The following MRPS27 variants were observed in gnomAD, a reference collection of about 807,000 sequenced individuals.
MRPS27 encodes small ribosomal subunit protein mS27.
In MRPS27, 43 loss-of-function variants were observed where a neutral mutation model predicts 48.9. The observed-to-expected ratio is 0.88, with a 90% CI of 0.69 to 1.13. MRPS27 has a LOEUF of 1.13. MRPS27 is among the 50% of genes most tolerant of loss of function. The probability of loss-of-function intolerance (pLI) is 0.00; values close to 1 mark genes in which losing one functional copy is unlikely to be tolerated. For synonymous variants in MRPS27, 188 were observed against 171.9 expected (o/e 1.09, Z -0.73); for missense variants, 467 against 476.3 (o/e 0.98, Z 0.18).
intron 2 of MRPS27, among the ~76,000 whole-genome samples, chr5:72,304,777 T>C (rs918711660): frequency 7.2e-5 from 11 of 152,226 alleles, no homozygotes; most frequent in African/African-American, 2.4e-4. Context: ...GAATCCTTTA[T>C]TGAATCCTTC....
At chr5:72,247,287 C>T (rs1221718172) in intron 4 of MRPS27, among the ~76,000 whole-genome samples, 1 of 152,332 alleles carries the variant, frequency 6.6e-6, no homozygotes, top group East Asian at 1.9e-4. Context: ...CCCGGAACTC[C>T]TTCCAGCACT....
chr5:72,249,646 C>T (rs1748604167), intron 4 of MRPS27, among the ~76,000 whole-genome samples: 1 of 151,948 alleles, frequency 6.6e-6, no homozygotes, highest in Non-Finnish European at 1.5e-5. Flanking sequence ...GATGGCGCCA[C>T]TGCACTCCAG....
intron 4 of MRPS27, 34 bp downstream of exon 4, chr5:72,295,497 C>A: frequency 6.6e-7 from 1 of 1,525,672 alleles, no homozygotes; most frequent in Non-Finnish European, 9.0e-7. Flanking sequence ...TGTGAAATCA[C>A]AGAGTACATA....
intron 10 of MRPS27, among the ~76,000 whole-genome samples, chr5:72,221,938 G>C (rs970224727): frequency 3.5e-4 from 53 of 151,994 alleles, no homozygotes; most frequent in Admixed American, 3.5e-3. Context: ...AGTACTTTAA[G>C]ATGTACTCTC....
At chr5:72,274,221 G>A (rs1332767464) in intron 4 of MRPS27, among the ~76,000 whole-genome samples, 1 of 152,170 alleles carries the variant, frequency 6.6e-6, no homozygotes, top group Non-Finnish European at 1.5e-5. Context: ...GGGCATGGTG[G>A]CTCACGCCTA....
intron 4 of MRPS27, among the ~76,000 whole-genome samples, chr5:72,266,627 AG>A (rs1455605095): frequency 2.0e-5 from 3 of 152,220 alleles, no homozygotes; most frequent in African/African-American, 7.2e-5. Flanking sequence ...TGGGAGGCCG[AG>A]GTGGGCAGAT....
At chr5:72,293,160 G>C (rs893011325) in intron 4 of MRPS27, among the ~76,000 whole-genome samples, 1 of 152,080 alleles carries the variant, frequency 6.6e-6, no homozygotes, top group African/African-American at 2.4e-5. Flanking sequence ...ATTCTCTAAG[G>C]GTGGAAAGCA....
intron 4 of MRPS27, among the ~76,000 whole-genome samples, chr5:72,280,840 T>C (rs181276725): frequency 5.7e-4 from 87 of 152,378 alleles, no homozygotes; most frequent in Middle Eastern, 3.4e-3. Context: ...TTCTTGAGGC[T>C]TCTTCTCCCT....
At chr5:72,242,331 G>A (rs2111968225) in intron 4 of MRPS27, among the ~76,000 whole-genome samples, 1 of 148,948 alleles carries the variant, frequency 6.7e-6, no homozygotes, top group East Asian at 2.0e-4. Context: ...AAGGAGAGCA[G>A]AATCACAGGC....
At chr5:72,279,906 CAT>C (rs1749489439) in intron 4 of MRPS27, among the ~76,000 whole-genome samples, 1 of 151,950 alleles carries the variant, frequency 6.6e-6, no homozygotes, top group Admixed American at 6.6e-5. Flanking sequence ...TGAGTATGTT[CAT>C]ATATTTTGAA....
At chr5:72,292,266 A>G (rs1291333116) in intron 4 of MRPS27, among the ~76,000 whole-genome samples, 7 of 70,406 alleles carry the variant, frequency 9.9e-5, no homozygotes, top group Non-Finnish European at 5.4e-5. Flanking sequence ...AATCATTTTT[A>G]GTTCACATTA....
intron 4 of MRPS27, among the ~76,000 whole-genome samples, chr5:72,264,513 G>A (rs1749061997): frequency 6.6e-6 from 1 of 152,174 alleles, no homozygotes; most frequent in African/African-American, 2.4e-5. Context: ...ATCTTATTTG[G>A]AAATACGGTC....
intron 9 of MRPS27, among the ~76,000 whole-genome samples, chr5:72,224,762 T>G (rs1747848302): frequency 6.6e-6 from 1 of 152,176 alleles, no homozygotes; most frequent in Non-Finnish European, 1.5e-5. Context: ...GGAAGTAAAT[T>G]TAAAAATAGA....
At chr5:72,223,559 T>C in intron 10 of MRPS27, 124 bp downstream of exon 10, 1 of 1,211,844 alleles carries the variant, frequency 8.3e-7, no homozygotes, top group Non-Finnish European at 1.2e-6. Flanking sequence ...AAAATGTAAT[T>C]TTTGATGTCA....
At chr5:72,312,344 C>A (rs1411595656) in intron 2 of MRPS27, among the ~76,000 whole-genome samples, 1 of 152,024 alleles carries the variant, frequency 6.6e-6, no homozygotes, top group African/African-American at 2.4e-5. Flanking sequence ...ACCTTTGAAT[C>A]AATCAGAACT....
intron 2 of MRPS27, among the ~76,000 whole-genome samples, chr5:72,299,014 AG>A (rs2112068390): frequency 6.6e-6 from 1 of 152,290 alleles, no homozygotes; most frequent in Non-Finnish European, 1.5e-5. Context: ...AAATTAACGC[AG>A]GAACAGAAAA....
At chr5:72,295,379 A>G (rs1749949503) in intron 4 of MRPS27, 152 bp downstream of exon 4, 1 of 581,408 alleles carries the variant, frequency 1.7e-6, no homozygotes, top group Middle Eastern at 4.7e-4. Flanking sequence ...TGCAGTTATA[A>G]AAAATCAGAA....
intron 2 of MRPS27, among the ~76,000 whole-genome samples, chr5:72,312,621 ATT>A (rs1053626658): frequency 9.4e-5 from 13 of 138,142 alleles, no homozygotes; most frequent in Middle Eastern, 3.8e-3. Context: ...AATCATACTG[ATT>A]TTTTTTTTTT....
chr5:72,289,361 A>C (rs192032542), intron 4 of MRPS27, among the ~76,000 whole-genome samples: 8 of 152,278 alleles, frequency 5.3e-5, no homozygotes, highest in Admixed American at 2.0e-4. Flanking sequence ...CTTATTGTAT[A>C]ACAATTCAGC....
Sources: allele counts gnomAD v4.1 joint callset (sites outside exome capture counted in the v4.1 genomes callset), GRCh38; gene constraint gnomAD v4.1.1; transcripts MANE v1.5; gene names NCBI Gene and HGNC (gene_info 2026-07-23, HGNC 2026-07-21).